The following SRGAP3 variants were observed in gnomAD, a reference collection of about 807,000 sequenced individuals.
SRGAP3 encodes SLIT-ROBO Rho GTPase activating protein 3.
A neutral mutation model predicts 121.1 loss-of-function variants in SRGAP3; 39 were observed. The observed-to-expected ratio is 0.32, with a 90% confidence interval of 0.25 to 0.42. SRGAP3 has a LOEUF of 0.42. Among genes scored for constraint, SRGAP3 ranks in the 10% least tolerant of loss-of-function variants. The pLI is 1.00. For missense variants in SRGAP3, 1,213 were observed against 1,470.6 expected, an observed-to-expected ratio of 0.82 and a Z score of 2.86; for synonymous variants, 601 against 570.0, an observed-to-expected ratio of 1.05 and a Z score of -0.77.
Position 9,013,791 on chromosome 3 carries a change from G to A in SRGAP3, c.1865C>T (p.Thr622Ile), listed in dbSNP as rs751615842. The A allele has an allele frequency of 3.1e-6, 5 of 1,614,212 alleles. No individual in the cohort carries two copies. The Admixed American group carries it at 8.3e-5, about 27-fold the overall frequency. Residue 622 changes from threonine (T) to isoleucine (I), a missense_variant, in exon 16 of 22, where the codon ACC becomes ATC. Thr to Ile is a moderately conservative substitution (Grantham distance 89). Coordinates refer to ENST00000383836, the MANE Select transcript of SRGAP3 (RefSeq NM_014850.4). ...GACCACAATGACCACGCGGGGAAGG[G>A]TGACGAGGATTTGTTGGATCTGGTG... ...RVHQIQQILV[T>I]LPRVVIVVMR... is the part of the protein sequence containing the mutation.
chr3:9,354,887 C>T (rs1575031809), intron 1 of SRGAP3, among the ~76,000 whole-genome samples: 1 of 152,148 alleles, frequency 6.6e-6, no homozygotes, highest in Non-Finnish European at 1.5e-5. Flanking sequence ...TGAGTGGCTT[C>T]AATTTCTACA....
chr3:9,149,276 A>G (rs917015278), intron 1 of SRGAP3, among the ~76,000 whole-genome samples: 5 of 152,020 alleles, frequency 3.3e-5, no homozygotes, highest in Admixed American at 3.3e-4. Flanking sequence ...CATCTGGCAC[A>G]TGTGTCTTCC....
chr3:9,036,115 G>T (rs1011687432), intron 11 of SRGAP3: 2 of 152,186 alleles, frequency 1.3e-5, no homozygotes, highest in Non-Finnish European at 2.9e-5. Context: ...TATGAATTTG[G>T]TCTATTCTAA....
At chr3:9,315,177 C>T (rs1380701687) in intron 3 of SRGAP3, among the ~76,000 whole-genome samples, 1 of 152,212 alleles carries the variant, frequency 6.6e-6, no homozygotes, top group Non-Finnish European at 1.5e-5. Context: ...GCCCCAGGCT[C>T]TTCCAAGGCT....
At chr3:9,345,023 G>T (rs568018867) in intron 1 of SRGAP3, among the ~76,000 whole-genome samples, 1 of 151,500 alleles carries the variant, frequency 6.6e-6, no homozygotes, top group South Asian at 2.1e-4. Context: ...GTGACAGAGC[G>T]AGACTCCGTC....
intron 8 of SRGAP3, among the ~76,000 whole-genome samples, chr3:9,055,553 G>A (rs947441933): frequency 6.6e-6 from 1 of 152,224 alleles, no homozygotes; most frequent in Non-Finnish European, 1.5e-5. Context: ...CCCCACAGCT[G>A]CAGGGGAGGG....
In SRGAP3 at chr3:9,009,564, A is replaced by G. The variant is rs116176413; in HGVS notation, c.2227+744T>C. 4.3e-3 allele frequency among the ~76,000 whole-genome samples: 651 copies of G among 152,320 alleles called. 1 individual carries two copies. The highest frequency in any genetic ancestry group is 0.015 in the African/African-American group (621 of 41,568). On this transcript the variant is annotated intron_variant, in intron 18 of 21. Transcript: ENST00000383836. ...AATTAAAACATTTTAGTGGACCTCT[A>G]CAAGTACCATGGGCCCTTGGCACTA... is the stretch of plus-strand genomic sequence containing the variant.
At chr3:9,165,282 TCAGGCAGCCATGGGGCCCTTCC>T (rs1354439338) in intron 1 of SRGAP3, among the ~76,000 whole-genome samples, 1 of 152,224 alleles carries the variant, frequency 6.6e-6, no homozygotes, top group Non-Finnish European at 1.5e-5. Context: ...GGCCAGCAAG[TCAGGCAGCCATGGGGCCCTTCC>T]CAGGGAAGGC....
chr3:9,321,854 T>G (rs540352363), intron 3 of SRGAP3, among the ~76,000 whole-genome samples: 1 of 151,374 alleles, frequency 6.6e-6, no homozygotes, highest in African/African-American at 2.4e-5. Context: ...CAGAAAAAAT[T>G]TTTGGGTACT....
At chr3:9,125,434 C>A (rs73811432) in intron 1 of SRGAP3, among the ~76,000 whole-genome samples, 1 of 152,186 alleles carries the variant, frequency 6.6e-6, no homozygotes, top group African/African-American at 2.4e-5. Flanking sequence ...CAAAGGAAAA[C>A]GGCAGTGTGA....
intron 1 of SRGAP3, among the ~76,000 whole-genome samples, chr3:9,246,969 G>GAT (rs1374923579): frequency 6.7e-6 from 1 of 149,324 alleles, no homozygotes; most frequent in Non-Finnish European, 1.5e-5. Context: ...AAAGCAAAAG[G>GAT]ATCAGCCAGG....
At chr3:9,360,934 A>G (rs554674083) in intron 1 of SRGAP3, among the ~76,000 whole-genome samples, 228 of 152,322 alleles carry the variant, frequency 1.5e-3, no homozygotes, top group Non-Finnish European at 2.3e-3. Context: ...CATACTCATT[A>G]GAACTTGGAA....
At chr3:9,192,403 T>C (rs9860310) in intron 1 of SRGAP3, 36,377 of 152,156 alleles carry the variant, frequency 0.24, 4,963 homozygotes, top group African/African-American at 0.38. Flanking sequence ...GCATAGAGAC[T>C]GAGTAGCCAA....
chr3:9,131,463 G>T (rs1949445585), intron 1 of SRGAP3, among the ~76,000 whole-genome samples: 1 of 134,530 alleles, frequency 7.4e-6, no homozygotes, highest in Non-Finnish European at 1.6e-5. Context: ...TTTTGAGATG[G>T]AGTCTCACTC....
chr3:9,134,446 A>G (rs1425926844), intron 1 of SRGAP3, among the ~76,000 whole-genome samples: 1 of 152,126 alleles, frequency 6.6e-6, no homozygotes, highest in Non-Finnish European at 1.5e-5. Flanking sequence ...ACAGCCAACA[A>G]CATCTCATCA....
Position 9,249,478 on chromosome 3 carries a change from T to C in SRGAP3, c.-527A>G, listed in dbSNP as rs1008495412. 4.0e-6 allele frequency: 1 copy of C among 249,290 alleles called. No individual in the cohort carries two copies. Among genetic ancestry groups the C allele is most frequent in the African/African-American group, 2.2e-5 (1 of 45,480 alleles). The allele number at this position is 249,290 out of a possible 1,614,324, so 15.4% of individuals were successfully genotyped here. On this transcript the variant is annotated 5_prime_UTR_variant, in exon 1 of 22. Coordinates refer to ENST00000383836, the MANE Select transcript of SRGAP3 (RefSeq NM_014850.4). ...CGTGCAGCCAGCCCCTGGCTTGCTT[T>C]TGAAGGCTCTGCTAAGTCGATGGTC...
At chr3:9,182,175 C>CAAAAAAAAAAA (rs34305216) in intron 1 of SRGAP3, among the ~76,000 whole-genome samples, 10 of 37,278 alleles carry the variant, frequency 2.7e-4, no homozygotes, top group Admixed American at 3.9e-4. Context: ...GACTCTGTCT[C>CAAAAAAAAAAA]AAAAAAAAAA....
intron 1 of SRGAP3, among the ~76,000 whole-genome samples, chr3:9,331,880 C>T (rs564063953): frequency 2.2e-4 from 34 of 152,134 alleles, no homozygotes; most frequent in African/African-American, 7.0e-4. Context: ...ATAAGTGAGC[C>T]CAGACAAAAT....
chr3:9,179,981 C>A (rs946897004), intron 1 of SRGAP3, among the ~76,000 whole-genome samples: 4 of 152,262 alleles, frequency 2.6e-5, no homozygotes, highest in Non-Finnish European at 5.9e-5. Context: ...GCCACACTGC[C>A]TTCCAGGCTG....
Sources: allele counts gnomAD v4.1 joint callset (sites outside exome capture counted in the v4.1 genomes callset), GRCh38; gene constraint gnomAD v4.1.1; transcripts MANE v1.5; gene names NCBI Gene and HGNC (gene_info 2026-07-23, HGNC 2026-07-21).